RABGAP1L: variants seen among roughly 807,000 people sequenced by gnomAD.
RABGAP1L encodes rab GTPase-activating protein 1-like.
RABGAP1L carries 63 observed loss-of-function variants against 137.7 expected under a neutral mutation model. The observed-to-expected ratio is 0.46, with a 90% CI of 0.37 to 0.56. RABGAP1L has a LOEUF of 0.56. Among genes scored for constraint, RABGAP1L ranks in the 20% least tolerant of loss-of-function variants. The pLI is 0.00. For synonymous variants in RABGAP1L, 431 were observed against 433.7 expected, an observed-to-expected ratio of 0.99 and a Z score of 0.08; for missense variants, 1,095 against 1,244.0, an observed-to-expected ratio of 0.88 and a Z score of 1.80.
chr1:174,925,354 C>CA (rs545791515), intron 19 of RABGAP1L, among the ~76,000 whole-genome samples: 9,378 of 54,472 alleles, frequency 0.17, 1,211 homozygotes, highest in East Asian at 0.39. Flanking sequence ...GACTCCGTCT[C>CA]AAAAAAAAAA....
intron 12 of RABGAP1L, among the ~76,000 whole-genome samples, chr1:174,389,253 A>C (rs992720324): frequency 6.6e-6 from 1 of 151,858 alleles, no homozygotes; most frequent in Non-Finnish European, 1.5e-5. Flanking sequence ...TCTTGATGCC[A>C]CCTCATCTTT....
chr1:174,536,214 C>A (rs1664877559), intron 13 of RABGAP1L, among the ~76,000 whole-genome samples: 1 of 151,256 alleles, frequency 6.6e-6, no homozygotes, highest in East Asian at 1.9e-4. Context: ...AAAAAAAAAA[C>A]CTCTGGAAAT....
chr1:174,623,975 A>C (rs991806062), intron 13 of RABGAP1L, among the ~76,000 whole-genome samples: 10 of 152,246 alleles, frequency 6.6e-5, no homozygotes, highest in Non-Finnish European at 5.9e-5. Flanking sequence ...CCAATGGCTT[A>C]ACAAAACTGA....
chr1:174,844,118 A>T (rs1457673342), intron 19 of RABGAP1L, among the ~76,000 whole-genome samples: 1 of 150,724 alleles, frequency 6.6e-6, no homozygotes, highest in Non-Finnish European at 1.5e-5. Flanking sequence ...TAGATTCTGG[A>T]TATTAGCCCT....
intron 14 of RABGAP1L, among the ~76,000 whole-genome samples, chr1:174,662,121 T>TTTTTTTTTTTG (rs59243192): frequency 1.5e-5 from 2 of 135,224 alleles, no homozygotes; most frequent in African/African-American, 3.0e-5. Context: ...TTTTTTTTTT[T>TTTTTTTTTTTG]GAGTTGGAGT....
chr1:174,800,453 G>A, intron 18 of RABGAP1L: 1 of 1,550,938 alleles, frequency 6.4e-7, no homozygotes, highest in Non-Finnish European at 8.7e-7. Flanking sequence ...TCGAGTGCTG[G>A]AACTTCTGGG....
At chr1:174,229,430 T>C (rs747198211) in intron 3 of RABGAP1L, among the ~76,000 whole-genome samples, 19 of 152,114 alleles carry the variant, frequency 1.2e-4, no homozygotes, top group Non-Finnish European at 2.4e-4. Flanking sequence ...TCTCAATCCA[T>C]AGAGGTTTAC....
intron 13 of RABGAP1L, among the ~76,000 whole-genome samples, chr1:174,469,083 G>A (rs953277161): frequency 1.3e-5 from 2 of 152,150 alleles, no homozygotes; most frequent in Admixed American, 6.6e-5. Flanking sequence ...ATATGCTTAT[G>A]TGTATTTATG....
At chr1:174,742,246 C>T (rs546925460) in intron 17 of RABGAP1L, among the ~76,000 whole-genome samples, 5 of 151,470 alleles carry the variant, frequency 3.3e-5, no homozygotes, top group Non-Finnish European at 5.9e-5. Context: ...GGGCCAGATG[C>T]GGTGGCTCAG....
intron 13 of RABGAP1L, among the ~76,000 whole-genome samples, chr1:174,415,009 G>A (rs1650386849): frequency 6.6e-6 from 1 of 151,880 alleles, no homozygotes; most frequent in South Asian, 2.1e-4. Flanking sequence ...AATTTCTTGA[G>A]CTTCTTCAAA....
rs1227117905 is a variant in RABGAP1L at position 174,629,890 on chromosome 1, A to T, written c.1711-7485A>T. On this transcript the variant is annotated intron_variant, in intron 13 of 25. Coordinates refer to ENST00000681986, the MANE Select transcript of RABGAP1L (RefSeq NM_001366446.1). ...TTTGATTTTGTCCTTTATTTCTTAAATATGGAAGGTCAAGTGTGCATAGAA... is the reference window on the plus strand; with the variant it reads ...TTTGATTTTGTCCTTTATTTCTTAATTATGGAAGGTCAAGTGTGCATAGAA... 2.0e-5 allele frequency among the ~76,000 whole-genome samples: 3 copies of T among 152,194 alleles called. No homozygotes were observed. In the East Asian group the frequency reaches 5.8e-4, roughly 29 times the overall value.
At chr1:174,355,882 TAATA>T (rs1353895056) in intron 11 of RABGAP1L, among the ~76,000 whole-genome samples, 1 of 152,238 alleles carries the variant, frequency 6.6e-6, no homozygotes, top group African/African-American at 2.4e-5. Flanking sequence ...CTTCTCTCTG[TAATA>T]AATCACCCTG....
intron 18 of RABGAP1L, among the ~76,000 whole-genome samples, chr1:174,789,595 C>T (rs150138098): frequency 3.9e-5 from 6 of 152,128 alleles, no homozygotes; most frequent in African/African-American, 1.4e-4. Flanking sequence ...CAGTTCATTG[C>T]TCAGCAAACC....
At chr1:174,693,595 T>C (rs1192323339) in intron 15 of RABGAP1L, among the ~76,000 whole-genome samples, 1 of 152,184 alleles carries the variant, frequency 6.6e-6, no homozygotes, top group Non-Finnish European at 1.5e-5. Flanking sequence ...TTTTTGCAAA[T>C]GATATTTTAT....
intron 19 of RABGAP1L, among the ~76,000 whole-genome samples, chr1:174,854,522 CA>C (rs1386213428): frequency 6.6e-6 from 1 of 151,640 alleles, no homozygotes; most frequent in Non-Finnish European, 1.5e-5. Flanking sequence ...TCATAGATGC[CA>C]AATGCCCATC....
intron 19 of RABGAP1L, among the ~76,000 whole-genome samples, chr1:174,839,946 G>T (rs1410528875): frequency 3.9e-5 from 6 of 152,194 alleles, no homozygotes; most frequent in African/African-American, 1.4e-4. Flanking sequence ...GATATAGACA[G>T]TGTAGAACAG....
At chr1:174,878,925 G>GTTTTTTTTTTTTTT (rs869251284) in intron 19 of RABGAP1L, among the ~76,000 whole-genome samples, 5 of 85,184 alleles carry the variant, frequency 5.9e-5, no homozygotes, top group African/African-American at 1.6e-4. Flanking sequence ...TTTGTGCATT[G>GTTTTTTTTTTTTTT]TTTTTTTTTT....
intron 3 of RABGAP1L, 148 bp downstream of exon 3, chr1:174,221,312 A>G (rs1435177621): frequency 9.4e-6 from 6 of 635,564 alleles, no homozygotes; most frequent in East Asian, 6.0e-5. Context: ...GTTTCTGCCT[A>G]TATCTCTGCC....
At chr1:174,453,227 G>T (rs2149262495) in intron 13 of RABGAP1L, among the ~76,000 whole-genome samples, 1 of 152,298 alleles carries the variant, frequency 6.6e-6, no homozygotes, top group South Asian at 2.1e-4. Context: ...AGGAAGGATT[G>T]TCCAGGGATG....
Sources: allele counts gnomAD v4.1 joint callset (sites outside exome capture counted in the v4.1 genomes callset), GRCh38; gene constraint gnomAD v4.1.1; transcripts MANE v1.5; gene names NCBI Gene and HGNC (gene_info 2026-07-23, HGNC 2026-07-21).